ARPC4: variants seen among roughly 807,000 people sequenced by gnomAD.
ARPC4 encodes the protein actin related protein 2/3 complex subunit 4.
ARPC4 carries 3 observed loss-of-function variants against 22.8 expected under a neutral mutation model. That is an observed-to-expected ratio of 0.13 (90% CI 0.06 to 0.34). The LOEUF (loss-of-function observed/expected upper bound fraction) is 0.34. ARPC4 is among the 10% of genes least tolerant of loss of function. ARPC4 has a pLI of 1.00. For synonymous variants in ARPC4, 80 were observed against 72.5 expected (o/e 1.10, Z -0.52); for missense variants, 98 against 211.0 (o/e 0.46, Z 3.32).
chr3:9,801,584 T>A (rs970953218), intron 3 of ARPC4, 77 bp from the exon 4 acceptor site: 1 of 1,427,552 alleles, frequency 7.0e-7, no homozygotes. Flanking sequence ...AAAACTGGAG[T>A]CAGAAGACCA....
At chr3:9,793,747 GC>G (rs994226686) in intron 1 of ARPC4, among the ~76,000 whole-genome samples, 4 of 150,256 alleles carry the variant, frequency 2.7e-5, no homozygotes, top group African/African-American at 1.0e-4. Context: ...ATACATGTGG[GC>G]CTTTTTCATA....
intron 3 of ARPC4, among the ~76,000 whole-genome samples, chr3:9,801,136 G>A (rs369777495): frequency 6.0e-5 from 9 of 150,448 alleles, no homozygotes; most frequent in Admixed American, 2.7e-4. Flanking sequence ...GCTTGAACCC[G>A]GGAGGCAGAG....
At chr3:9,799,433 G>A (rs1043353263) in intron 2 of ARPC4, among the ~76,000 whole-genome samples, 11 of 151,786 alleles carry the variant, frequency 7.2e-5, no homozygotes, top group East Asian at 1.9e-4. Flanking sequence ...GTCAGCACTC[G>A]GAAACTTTCA....
intron 5 of ARPC4, among the ~76,000 whole-genome samples, chr3:9,804,382 T>C (rs1254512121): frequency 6.6e-6 from 1 of 152,234 alleles, no homozygotes; most frequent in Non-Finnish European, 1.5e-5. Flanking sequence ...CAATTAATCA[T>C]GTTATGATTC....
intron 3 of ARPC4, among the ~76,000 whole-genome samples, chr3:9,800,644 C>CCA (rs2078988789): frequency 2.0e-5 from 3 of 152,066 alleles, no homozygotes; most frequent in Non-Finnish European, 4.4e-5. Flanking sequence ...AGGATGGTCT[C>CCA]CATCTCCTGA....
Position 9,806,314 on chromosome 3 carries a change from AGTTGG to A in ARPC4, c.*106_*110del. On this transcript the variant is annotated 3_prime_UTR_variant, in exon 6 of 6. Coordinates refer to ENST00000397261, the MANE Select transcript of ARPC4 (RefSeq NM_005718.5). ...CCCGAGCAGCGCGGCGGCGGCAGGG[AGTTGG>A]GTTGGGGTGGGCATTTGATGCGGGA... is the stretch of plus-strand genomic sequence containing the variant. 1 of 1,432,896 alleles carries A rather than the reference AGTTGG, an allele frequency of 7.0e-7. No homozygotes were observed. Among genetic ancestry groups the A allele is most frequent in the Non-Finnish European group, 9.8e-7 (1 of 1,015,336 alleles). 88.8% of individuals were successfully genotyped at this position (1,432,896 alleles called of 1,614,324 possible).
intron 1 of ARPC4, among the ~76,000 whole-genome samples, chr3:9,796,148 C>G (rs1411693996): frequency 6.6e-6 from 1 of 152,066 alleles, no homozygotes; most frequent in Non-Finnish European, 1.5e-5. Context: ...AATCCCAACA[C>G]TTTGAGAGGC....
intron 5 of ARPC4, among the ~76,000 whole-genome samples, chr3:9,805,794 T>C (rs73113594): frequency 2.2e-4 from 33 of 152,302 alleles, no homozygotes; most frequent in African/African-American, 7.9e-4. Flanking sequence ...TGGAGGTTCA[T>C]CCAGAGCTTG....
intron 2 of ARPC4, 62 bp from the exon 3 acceptor site, chr3:9,800,123 G>A (rs2078976711): frequency 7.1e-6 from 11 of 1,554,932 alleles, no homozygotes; most frequent in Non-Finnish European, 6.2e-6. Context: ...GGACCTGCGT[G>A]GGGTCACTCT....
At position 9,803,971 on chromosome 3, in the gene ARPC4, C is replaced by T; in HGVS notation, c.459C>T (p.Val153=). The T allele has an allele frequency of 1.2e-6, 2 of 1,614,196 alleles. No individual in the cohort carries two copies. The highest frequency in any genetic ancestry group is 2.2e-5 in the East Asian group (1 of 44,888). The change falls in exon 5 of 6, where the codon GTC becomes GTT. Residue 153 remains valine, a synonymous_variant. Coordinates refer to ENST00000397261, the MANE Select transcript of ARPC4 (RefSeq NM_005718.5). ...AGATCAGTGAGATGAAGCTGTCAGT[C>T]AATGCCCGTGCCCGCATTGTGGCTG... ...DKEISEMKLS[V]NARARIVAEE... is the part of the protein sequence containing the mutation.
At chr3:9,794,363 G>A (rs188712834) in intron 1 of ARPC4, among the ~76,000 whole-genome samples, 1 of 152,278 alleles carries the variant, frequency 6.6e-6, no homozygotes, top group East Asian at 1.9e-4. Context: ...GCCGGGCGTG[G>A]TGGTGGGCAC....
At chr3:9,796,808 G>C (rs2078901759) in intron 1 of ARPC4, among the ~76,000 whole-genome samples, 1 of 151,624 alleles carries the variant, frequency 6.6e-6, no homozygotes, top group Non-Finnish European at 1.5e-5. Flanking sequence ...GGGTGTGGTG[G>C]TGGGCGCCTG....
At chr3:9,805,516 G>A (rs968953251) in intron 5 of ARPC4, among the ~76,000 whole-genome samples, 4 of 152,198 alleles carry the variant, frequency 2.6e-5, no homozygotes, top group South Asian at 4.1e-4. Flanking sequence ...CTGAGCGCAT[G>A]CCTCATGTGC....
intron 2 of ARPC4, 100 bp from the exon 3 acceptor site, chr3:9,800,085 T>C (rs2078976001): frequency 8.4e-7 from 1 of 1,183,978 alleles, no homozygotes; most frequent in South Asian, 1.4e-5. Context: ...TTCTATTCCT[T>C]GGACTCTATG....
upstream of ARPC4, chr3:9,792,719 G>C (rs994592052): frequency 3.1e-5 from 38 of 1,234,472 alleles, no homozygotes; most frequent in Middle Eastern, 3.1e-4. Context: ...GGAGGGGCGA[G>C]AGAAAGGATG....
chr3:9,796,528 GAA>G (rs2078891579), intron 1 of ARPC4, among the ~76,000 whole-genome samples: 1 of 152,220 alleles, frequency 6.6e-6, no homozygotes, highest in South Asian at 2.1e-4. Context: ...CTTAGGCAAA[GAA>G]AGAGGAGAAA....
chr3:9,801,853 C>A (rs1384285300), intron 4 of ARPC4, 97 bp downstream of exon 4: 3 of 1,217,856 alleles, frequency 2.5e-6, no homozygotes, highest in Non-Finnish European at 3.4e-6. Context: ...CTGTTTGGCA[C>A]CCACTGCCTG....
chr3:9,799,055 A>G (rs1047219888), intron 2 of ARPC4, among the ~76,000 whole-genome samples: 6 of 152,180 alleles, frequency 3.9e-5, no homozygotes, highest in African/African-American at 1.4e-4. Context: ...TGGGCCTTTG[A>G]AAATGGTTAG....
chr3:9,792,644 C>T (rs908321810), upstream of ARPC4: 2 of 1,230,304 alleles, frequency 1.6e-6, no homozygotes, highest in East Asian at 3.2e-5. Context: ...GGGCGGGAGG[C>T]GGAGCTTGGC....
Sources: gnomAD v4.1 joint callset for allele counts (sites outside exome capture counted in the v4.1 genomes callset) on GRCh38, gnomAD v4.1.1 for gene constraint, MANE v1.5 for transcripts, NCBI Gene and HGNC (gene_info 2026-07-23, HGNC 2026-07-21) for gene names.